Variants in STK32B observed in about 807,000 individuals in gnomAD.
STK32B encodes the protein serine/threonine kinase 32B.
STK32B carries 43 observed loss-of-function variants against 52.6 expected under a neutral mutation model. The observed-to-expected ratio is 0.82, with a 90% confidence interval of 0.64 to 1.05. The LOEUF is 1.05. Among genes scored for constraint, STK32B ranks in the 50% least tolerant of loss-of-function variants. The pLI, the probability that STK32B is intolerant of heterozygous loss-of-function variation, is 0.00. For synonymous variants in STK32B, 238 were observed against 204.3 expected (o/e 1.17, Z -1.41); for missense variants, 621 against 534.6 (o/e 1.16, Z -1.59).
At chr4:5,388,083 C>T (rs1254493652) in intron 4 of STK32B, among the ~76,000 whole-genome samples, 3 of 152,168 alleles carry the variant, frequency 2.0e-5, no homozygotes, top group Non-Finnish European at 4.4e-5. Flanking sequence ...GGAGAAGTCG[C>T]TTCACCTCTC....
chr4:5,173,937 C>G (rs1458139527), intron 3 of STK32B, among the ~76,000 whole-genome samples: 3 of 152,152 alleles, frequency 2.0e-5, no homozygotes, highest in African/African-American at 7.2e-5. Flanking sequence ...GTGTGGGAGT[C>G]TAAGTCTCTT....
At chr4:5,180,553 A>G (rs778165638) in intron 3 of STK32B, among the ~76,000 whole-genome samples, 2 of 151,740 alleles carry the variant, frequency 1.3e-5, no homozygotes, top group South Asian at 2.1e-4. Flanking sequence ...ACCACACCCT[A>G]TCTCTTCCCT....
At chr4:5,372,598 CAACTCTGTTCCCATCTTTTCTGGG>C (rs964367428) in intron 4 of STK32B, among the ~76,000 whole-genome samples, 2 of 152,028 alleles carry the variant, frequency 1.3e-5, no homozygotes, top group African/African-American at 4.8e-5. Flanking sequence ...GAGAAGATGA[CAACTCTGTTCCCATCTTTTCTGGG>C]TCAGTGGACT....
At chr4:5,483,233 G>T (rs2109203762) in intron 11 of STK32B, among the ~76,000 whole-genome samples, 1 of 151,426 alleles carries the variant, frequency 6.6e-6, no homozygotes. Flanking sequence ...CTTTTTGGTT[G>T]GTAAGCTATT....
intron 3 of STK32B, among the ~76,000 whole-genome samples, chr4:5,186,891 A>T (rs992014835): frequency 3.9e-5 from 6 of 152,188 alleles, no homozygotes; most frequent in Admixed American, 3.9e-4. Flanking sequence ...TGTAAGTGAC[A>T]TGAGTTTGTT....
intron 4 of STK32B, among the ~76,000 whole-genome samples, chr4:5,376,536 A>G (rs529223246): frequency 2.4e-4 from 37 of 152,092 alleles, no homozygotes; most frequent in Admixed American, 2.2e-3. Context: ...CATGGACCCT[A>G]CCCATCTTAG....
In STK32B at chr4:5,496,086, A is replaced by G. The variant is rs1268601561; in HGVS notation, c.1107-2859A>G. 2.0e-5 allele frequency among the ~76,000 whole-genome samples: 3 copies of G among 152,214 alleles called. No homozygotes were observed. In the East Asian group the frequency reaches 5.8e-4, roughly 29 times the overall value. ...CTCAGATCTCCAGCTGCATGCTGGG[A>G]GAACCACTGCTCTCTTCAAAGCTGT... On this transcript the variant is annotated intron_variant, in intron 11 of 11. Transcript: ENST00000282908.
In STK32B at chr4:5,475,956, G is replaced by A. The variant is rs544037351; in HGVS notation, c.1106+7886G>A. On this transcript the variant is annotated intron_variant, in intron 11 of 11. Coordinates refer to ENST00000282908, the MANE Select transcript of STK32B (RefSeq NM_018401.3). ...GTCGCCCAGGCTGGAGTGCAATGCC[G>A]CAATCTTGGCTCACTGCAACCTCCG... Among the ~76,000 whole-genome samples the A allele has an allele frequency of 3.9e-4, 59 of 151,776 alleles. 1 individual carries two copies. Among genetic ancestry groups the A allele is most frequent in the South Asian group, 1.0e-3 (5 of 4,786 alleles).
rs1057356709 is a variant in STK32B, at chr4:5,064,786, T to C, written c.52+12871T>C. Among the ~76,000 whole-genome samples, 5 of 121,746 alleles carry C rather than the reference T, an allele frequency of 4.1e-5. No individual in the cohort carries two copies. In the East Asian group the frequency reaches 8.8e-4, roughly 21 times the overall value. 79.9% of individuals were successfully genotyped at this position (121,746 alleles called of 152,430 possible). A position where few individuals can be genotyped will look rare whatever the true frequency, so the allele number is the denominator to read the frequency against. ...TATATACTTATATACATATATAATA[T>C]ATAAATATATACTTATGTTGTATAC... On this transcript the variant is annotated intron_variant, in intron 1 of 11. Coordinates refer to ENST00000282908, the MANE Select transcript of STK32B (RefSeq NM_018401.3).
chr4:5,328,704 A>G (rs1449366103), intron 3 of STK32B, among the ~76,000 whole-genome samples: 1 of 152,230 alleles, frequency 6.6e-6, no homozygotes, highest in African/African-American at 2.4e-5. Context: ...TGACACAGAG[A>G]TACAAACTGA....
chr4:5,478,537 C>T (rs571452353), intron 11 of STK32B, among the ~76,000 whole-genome samples: 3 of 152,134 alleles, frequency 2.0e-5, no homozygotes, highest in Non-Finnish European at 4.4e-5. Context: ...CTCCCAATAA[C>T]TGTTGAGGTT....
the STK32B span, among the ~76,000 whole-genome samples, chr4:5,028,545 G>A: frequency 1.3e-5 from 2 of 152,310 alleles, no homozygotes; most frequent in Admixed American, 6.5e-5. Flanking sequence ...CATGCTCTAT[G>A]ATGCTATTGC....
intron 11 of STK32B, among the ~76,000 whole-genome samples, chr4:5,490,345 G>A (rs1560458293): frequency 2.0e-5 from 3 of 152,108 alleles, no homozygotes; most frequent in Non-Finnish European, 2.9e-5. Context: ...GACCTCAGGT[G>A]ATCCACCCAC....
chr4:5,097,398 C>G (rs1354387542), intron 1 of STK32B, among the ~76,000 whole-genome samples: 1 of 152,224 alleles, frequency 6.6e-6, no homozygotes, highest in Non-Finnish European at 1.5e-5. Flanking sequence ...CATCCAACTT[C>G]TTTCTTGCTC....
At chr4:5,374,376 C>T (rs377530970) in intron 4 of STK32B, among the ~76,000 whole-genome samples, 19 of 152,234 alleles carry the variant, frequency 1.2e-4, no homozygotes, top group African/African-American at 3.9e-4. Flanking sequence ...AAGTGTGTTT[C>T]AAAAAGACGC....
At chr4:5,372,104 C>T (rs1465524709) in intron 4 of STK32B, among the ~76,000 whole-genome samples, 2 of 152,252 alleles carry the variant, frequency 1.3e-5, no homozygotes, top group Non-Finnish European at 2.9e-5. Context: ...ACACTATAAC[C>T]TTAGCCAACA....
chr4:5,494,078 G>T (rs1307011146), intron 11 of STK32B, among the ~76,000 whole-genome samples: 2 of 152,190 alleles, frequency 1.3e-5, no homozygotes, highest in African/African-American at 4.8e-5. Flanking sequence ...GGAGAGTTCT[G>T]TAGATGTCTA....
chr4:5,039,907 A>G, the STK32B span, among the ~76,000 whole-genome samples: 2 of 152,200 alleles, frequency 1.3e-5, no homozygotes, highest in South Asian at 4.1e-4. Flanking sequence ...GACAGTGTCT[A>G]TCCTCTCTTA....
At chr4:5,071,089 G>A (rs1711742221) in intron 1 of STK32B, among the ~76,000 whole-genome samples, 1 of 152,174 alleles carries the variant, frequency 6.6e-6, no homozygotes, top group Admixed American at 6.5e-5. Context: ...CAGGTTGCAG[G>A]TCCCTGAAGC....
Sources: allele counts gnomAD v4.1 joint callset (sites outside exome capture counted in the v4.1 genomes callset), GRCh38; gene constraint gnomAD v4.1.1; transcripts MANE v1.5; gene names NCBI Gene and HGNC (gene_info 2026-07-23, HGNC 2026-07-21).